FABP6: variants seen among roughly 807,000 people sequenced by gnomAD.
FABP6 encodes gastrotropin.
FABP6 carries 13 observed loss-of-function variants against 14.9 expected under a neutral mutation model. The observed-to-expected ratio is 0.87, with a 90% CI of 0.57 to 1.39. FABP6 has a LOEUF of 1.39. Ranked by LOEUF, FABP6 falls within the 40% of genes most tolerant of loss-of-function variation. The pLI is 0.00. For synonymous variants in FABP6, 75 were observed against 63.6 expected (o/e 1.18, Z -0.85); for missense variants, 161 against 167.2 (o/e 0.96, Z 0.20).
At chr5:160,227,485 C>T (rs1166306149), upstream of FABP6, among the ~76,000 whole-genome samples, 2 of 146,122 alleles carry the variant, frequency 1.4e-5, no homozygotes, top group Admixed American at 1.4e-4. Context: ...AAGATTGTAC[C>T]ACTGCACTTT....
At chr5:160,232,657 G>A (rs1420159058) in intron 2 of FABP6, among the ~76,000 whole-genome samples, 1 of 152,104 alleles carries the variant, frequency 6.6e-6, no homozygotes, top group East Asian at 1.9e-4. Flanking sequence ...AGCACTTTGG[G>A]AGGCCGAGGT....
At chr5:160,216,809 C>A (rs757202408) in intron 3 of FABP6, among the ~76,000 whole-genome samples, 5 of 152,146 alleles carry the variant, frequency 3.3e-5, no homozygotes, top group African/African-American at 1.2e-4. Flanking sequence ...AACAGAGATG[C>A]CATGTGTTGA....
At chr5:160,218,661 A>T (rs1257362079) in intron 3 of FABP6, among the ~76,000 whole-genome samples, 2 of 150,738 alleles carry the variant, frequency 1.3e-5, no homozygotes, top group African/African-American at 4.9e-5. Context: ...GGGTTTCGCC[A>T]TGTTGGTTAG....
At chr5:160,211,323 G>T (rs965220889) in intron 2 of FABP6, among the ~76,000 whole-genome samples, 4 of 152,128 alleles carry the variant, frequency 2.6e-5, no homozygotes, top group African/African-American at 9.7e-5. Context: ...GGGAATACAT[G>T]TCCTCGGCTG....
chr5:160,229,639 G>A lies in FABP6; in HGVS notation c.67+15G>A. The A allele has an allele frequency of 6.2e-7, 1 of 1,612,880 alleles. No individual in the cohort carries two copies. The highest frequency in any genetic ancestry group is 8.5e-7 in the Non-Finnish European group (1 of 1,179,152). On this transcript the variant is annotated intron_variant, in intron 1 of 3. Coordinates refer to ENST00000402432, the MANE Select transcript of FABP6 (RefSeq NM_001445.3). ...GAAGCTCCTTGGTGAGTGAGCTCCT[G>A]GGTATCCCTTCCTCGGGGTTGGTTT... is the stretch of plus-strand genomic sequence containing the variant.
intron 1 of FABP6, among the ~76,000 whole-genome samples, chr5:160,195,536 C>T (rs192583014): frequency 6.6e-6 from 1 of 152,244 alleles, no homozygotes; most frequent in East Asian, 1.9e-4. Flanking sequence ...TCACTGCAGC[C>T]ACAGCTTCCC....
upstream of FABP6, chr5:160,228,681 C>A (rs1170111888): frequency 2.4e-5 from 9 of 379,306 alleles, no homozygotes; most frequent in Non-Finnish European, 1.0e-5. Flanking sequence ...CACCTGGCAC[C>A]TTCTCCTCCA....
At chr5:160,228,926 T>C (rs1325006328), upstream of FABP6, among the ~76,000 whole-genome samples, 1 of 152,160 alleles carries the variant, frequency 6.6e-6, no homozygotes, top group African/African-American at 2.4e-5. Context: ...CTATTGGTCC[T>C]CCAAGACGGG....
chr5:160,234,189 G>C (rs1760454863), intron 2 of FABP6, among the ~76,000 whole-genome samples: 2 of 152,072 alleles, frequency 1.3e-5, no homozygotes, highest in South Asian at 4.1e-4. Flanking sequence ...TCCACTGATA[G>C]AAAAATGTAA....
At chr5:160,229,065 C>T (rs1454906680), upstream of FABP6, among the ~76,000 whole-genome samples, 1 of 152,222 alleles carries the variant, frequency 6.6e-6, no homozygotes, top group Non-Finnish European at 1.5e-5. Context: ...CACAAGAACT[C>T]TCTGCAGGTG....
chr5:160,204,325 A>G (rs1759712396), intron 2 of FABP6, among the ~76,000 whole-genome samples: 1 of 151,514 alleles, frequency 6.6e-6, no homozygotes, highest in Non-Finnish European at 1.5e-5. Flanking sequence ...TCTCTAATAA[A>G]ATAAAGATAA....
At chr5:160,236,467 T>A (rs1016901946) in intron 3 of FABP6, among the ~76,000 whole-genome samples, 1 of 152,110 alleles carries the variant, frequency 6.6e-6, no homozygotes. Flanking sequence ...GCGCAGTCCA[T>A]AAGATGGCCC....
intron 1 of FABP6, among the ~76,000 whole-genome samples, chr5:160,190,511 T>C (rs1335131695): frequency 1.3e-5 from 2 of 152,046 alleles, no homozygotes; most frequent in East Asian, 1.9e-4. Context: ...GGATTACAGG[T>C]GTGAGCCACC....
At chr5:160,232,294 C>A in intron 2 of FABP6, 21 bp downstream of exon 2, 1 of 1,567,514 alleles carries the variant, frequency 6.4e-7, no homozygotes, top group Non-Finnish European at 8.7e-7. Flanking sequence ...ACTGGCTGTC[C>A]CCCTCCTTCC....
intron 1 of FABP6, among the ~76,000 whole-genome samples, chr5:160,192,115 C>G (rs1037125140): frequency 6.6e-6 from 1 of 152,122 alleles, no homozygotes; most frequent in African/African-American, 2.4e-5. Flanking sequence ...AATTTTCCTG[C>G]CAGTATTCAC....
intron 1 of FABP6, among the ~76,000 whole-genome samples, chr5:160,231,846 A>G (rs1374189541): frequency 6.6e-6 from 1 of 152,180 alleles, no homozygotes; most frequent in Non-Finnish European, 1.5e-5. Flanking sequence ...TTCTTGTAAC[A>G]GCCTTTTGGG....
intron 2 of FABP6, among the ~76,000 whole-genome samples, chr5:160,205,305 A>G: frequency 6.9e-6 from 1 of 144,906 alleles, no homozygotes; most frequent in African/African-American, 2.6e-5. Flanking sequence ...GTGACAGAGC[A>G]AGACTTCATC....
rs772026716 is a variant in FABP6 at position 160,199,066 on chromosome 5, C to A, written c.-41C>A. 4 of 1,612,842 alleles carry A rather than the reference C, an allele frequency of 2.5e-6. No homozygotes were observed. The Admixed American group carries it at 5.0e-5, about 20-fold the overall frequency. ...CATTGCAGACTTTGCACCTCTGGCTCCAGGGAGCTCACAGGCAGGGGCTGG... is the reference window on the plus strand; with the variant it reads ...CATTGCAGACTTTGCACCTCTGGCTACAGGGAGCTCACAGGCAGGGGCTGG... On this transcript the variant is annotated 5_prime_UTR_variant, in exon 2 of 7. Transcript: ENST00000393980.
Position 160,198,979 on chromosome 5 carries a change from G to A in FABP6, c.-58-70G>A, listed in dbSNP as rs561053446. 9.8e-5 allele frequency: 93 copies of A among 949,256 alleles called. No individual in the cohort carries two copies. The South Asian group carries it at 1.2e-3, about 12-fold the overall frequency. 58.8% of individuals were successfully genotyped at this position (949,256 alleles called of 1,614,324 possible). A position where few individuals can be genotyped will look rare whatever the true frequency, so the allele number is the denominator to read the frequency against. On this transcript the variant is annotated intron_variant, in intron 1 of 6. Transcript: ENST00000393980. The stretch of plus-strand genomic sequence containing the variant: ...AGCAGTCAATAAAATGGATTGAATA[G>A]ACAAATGAATGAACAATGAGATGGT...
Sources: allele counts gnomAD v4.1 joint callset (sites outside exome capture counted in the v4.1 genomes callset), GRCh38; gene constraint gnomAD v4.1.1; transcripts MANE v1.5; gene names NCBI Gene and HGNC (gene_info 2026-07-23, HGNC 2026-07-21).